The following CNTN4 variants were observed in gnomAD, a reference collection of about 807,000 sequenced individuals.
CNTN4 encodes contactin 4, also known as contactin-4.
In CNTN4, 77 loss-of-function variants were observed where a neutral mutation model predicts 122.5. The ratio of observed to expected loss-of-function variants is 0.63; its 90% CI spans 0.52 to 0.76. The LOEUF (loss-of-function observed/expected upper bound fraction) is 0.76. CNTN4 is among the 30% of genes least tolerant of loss of function. The pLI, the probability that CNTN4 is intolerant of heterozygous loss-of-function variation, is 0.00. For missense variants in CNTN4, 1,256 were observed against 1,259.1 expected (o/e 1.00, Z 0.04); for synonymous variants, 512 against 447.0 (o/e 1.15, Z -1.83).
chr3:2,840,522 A>G (rs1025179316), intron 7 of CNTN4, among the ~76,000 whole-genome samples: 1 of 105,858 alleles, frequency 9.4e-6, no homozygotes, highest in African/African-American at 3.0e-5. Flanking sequence ...AACACGGTGA[A>G]ACCCCGTCTC....
intron 6 of CNTN4, among the ~76,000 whole-genome samples, chr3:2,797,105 A>G (rs2092210235): frequency 6.6e-6 from 1 of 152,114 alleles, no homozygotes; most frequent in Admixed American, 6.5e-5. Flanking sequence ...GGCTGAAGTG[A>G]TCCTCCTGCC....
At chr3:2,691,455 G>A (rs1457313379) in intron 4 of CNTN4, among the ~76,000 whole-genome samples, 1 of 152,120 alleles carries the variant, frequency 6.6e-6, no homozygotes, top group South Asian at 2.1e-4. Flanking sequence ...TACTCCCAAT[G>A]TGGAATAATA....
chr3:2,170,190 G>A (rs1559307854), intron 2 of CNTN4, among the ~76,000 whole-genome samples: 1 of 116,618 alleles, frequency 8.6e-6, no homozygotes, highest in Non-Finnish European at 1.9e-5. Context: ...GCGTGGTGGC[G>A]GCGCCTGTAG....
intron 14 of CNTN4, chr3:3,008,901 C>CCA (rs1157660388): frequency 1.0e-6 from 1 of 973,606 alleles, no homozygotes; most frequent in Non-Finnish European, 1.2e-6. Context: ...CTAGGGCAAA[C>CCA]CACCAAGATC....
At chr3:2,608,169 A>G (rs1230089711) in intron 4 of CNTN4, among the ~76,000 whole-genome samples, 4 of 152,232 alleles carry the variant, frequency 2.6e-5, no homozygotes, top group East Asian at 1.9e-4. Context: ...CACATGATCT[A>G]CTGATACAGT....
intron 4 of CNTN4, among the ~76,000 whole-genome samples, chr3:2,588,558 G>A (rs1373451363): frequency 1.3e-5 from 2 of 151,874 alleles, no homozygotes; most frequent in African/African-American, 4.8e-5. Context: ...GTAGAGACGG[G>A]GTTTTACTAT....
At chr3:2,303,396 C>G (rs2042595135) in intron 2 of CNTN4, among the ~76,000 whole-genome samples, 2 of 152,114 alleles carry the variant, frequency 1.3e-5, no homozygotes, top group African/African-American at 4.8e-5. Context: ...CAGCTCTGGA[C>G]AACCACTAAT....
At chr3:2,105,392 A>C (rs1386441261) in intron 2 of CNTN4, among the ~76,000 whole-genome samples, 5 of 152,202 alleles carry the variant, frequency 3.3e-5, no homozygotes, top group African/African-American at 1.2e-4. Flanking sequence ...TGCTAGAAAG[A>C]ACTGCCTGAG....
At chr3:2,438,862 G>C (rs2048340491) in intron 3 of CNTN4, among the ~76,000 whole-genome samples, 1 of 152,120 alleles carries the variant, frequency 6.6e-6, no homozygotes, top group Admixed American at 6.5e-5. Context: ...ATTAACATCT[G>C]CAGCAGTGTT....
intron 4 of CNTN4, among the ~76,000 whole-genome samples, chr3:2,585,638 A>G (rs180860611): frequency 1.5e-3 from 225 of 145,430 alleles, no homozygotes; most frequent in African/African-American, 5.3e-3. Flanking sequence ...GAGTTGAACA[A>G]TGAGAACACA....
chr3:2,124,162 A>G (rs750822102), intron 2 of CNTN4, among the ~76,000 whole-genome samples: 4 of 151,874 alleles, frequency 2.6e-5, no homozygotes, highest in East Asian at 1.9e-4. Context: ...AAAATTCCCA[A>G]CCCACTGACA....
chr3:2,105,056 A>G (rs2032319695), intron 2 of CNTN4, among the ~76,000 whole-genome samples: 1 of 152,162 alleles, frequency 6.6e-6, no homozygotes, highest in Admixed American at 6.5e-5. Context: ...CAGAACAGGC[A>G]TGGACCCAGT....
In CNTN4 at chr3:2,110,898, A is replaced by G. The variant is rs575315606; in HGVS notation, c.-145+10259A>G. On this transcript the variant is annotated intron_variant, in intron 2 of 24. Transcript: ENST00000418658. ...CTGCTTTGATAATATTGTGACATGT[A>G]TTTGTGATATGCTTGGCAGTAGCAT... Among the ~76,000 whole-genome samples the G allele has an allele frequency of 5.9e-5, 9 of 152,210 alleles. No individual in the cohort carries two copies. The South Asian group carries it at 1.9e-3, about 32-fold the overall frequency.
chr3:2,186,294 T>C, intron 2 of CNTN4, among the ~76,000 whole-genome samples: 1 of 152,176 alleles, frequency 6.6e-6, no homozygotes. Context: ...TATTTCATGG[T>C]GTATATGTGC....
chr3:2,927,830 C>A (rs1288075196), intron 13 of CNTN4, among the ~76,000 whole-genome samples: 3 of 152,158 alleles, frequency 2.0e-5, no homozygotes, highest in Admixed American at 2.0e-4. Flanking sequence ...TTACCTAATT[C>A]CTGCTATTTA....
intron 6 of CNTN4, among the ~76,000 whole-genome samples, chr3:2,752,173 T>G (rs1188593603): frequency 6.6e-6 from 1 of 152,198 alleles, no homozygotes; most frequent in Non-Finnish European, 1.5e-5. Flanking sequence ...AAAAACTTAA[T>G]TGACTCATAG....
At chr3:2,993,390 C>G (rs745819091) in intron 14 of CNTN4, among the ~76,000 whole-genome samples, 1 of 151,118 alleles carries the variant, frequency 6.6e-6, no homozygotes, top group African/African-American at 2.4e-5. Context: ...CTTTGCCTCC[C>G]GGGCTCAAGC....
At chr3:2,609,377 G>A (rs1265381038) in intron 4 of CNTN4, among the ~76,000 whole-genome samples, 1 of 152,128 alleles carries the variant, frequency 6.6e-6, no homozygotes, top group African/African-American at 2.4e-5. Context: ...GCCCTCACCA[G>A]ACCTCAAATT....
chr3:2,988,806 C>G (rs1353493283), intron 14 of CNTN4: 1 of 288,446 alleles, frequency 3.5e-6, no homozygotes, highest in Non-Finnish European at 6.7e-6. Flanking sequence ...TCTAGGAACA[C>G]TATTCCAACA....
Sources: allele counts gnomAD v4.1 joint callset (sites outside exome capture counted in the v4.1 genomes callset), GRCh38; gene constraint gnomAD v4.1.1; transcripts MANE v1.5; gene names NCBI Gene and HGNC (gene_info 2026-07-23, HGNC 2026-07-21).